The following METTL9 variants were observed in gnomAD, a reference collection of about 807,000 sequenced individuals.
METTL9 encodes protein-L-histidine N-pros-methyltransferase.
In METTL9, 10 loss-of-function variants were observed where a neutral mutation model predicts 36.0. The ratio of observed to expected loss-of-function variants is 0.28; its 90% CI spans 0.17 to 0.47. The LOEUF (loss-of-function observed/expected upper bound fraction) is 0.47. Ranked by LOEUF, METTL9 falls within the 20% of genes least tolerant of loss-of-function variation. The pLI is 0.99. For missense variants in METTL9, 246 were observed against 383.5 expected (o/e 0.64, Z 3.00); for synonymous variants, 175 against 149.7 (o/e 1.17, Z -1.23).
At chr16:21,600,616 G>A (rs1597735292) in intron 1 of METTL9, among the ~76,000 whole-genome samples, 1 of 152,274 alleles carries the variant, frequency 6.6e-6, no homozygotes, top group Non-Finnish European at 1.5e-5. Flanking sequence ...AACAGAACGG[G>A]ACGGGAGGGA....
intron 3 of METTL9, among the ~76,000 whole-genome samples, chr16:21,622,135 C>T (rs1342870849): frequency 7.0e-5 from 3 of 42,922 alleles, no homozygotes; most frequent in Non-Finnish European, 1.3e-4. Context: ...AGCCACCATG[C>T]CTGGCCTTTT....
chr16:21,649,293 C>G (rs1966509248), intron 4 of METTL9, among the ~76,000 whole-genome samples: 1 of 152,128 alleles, frequency 6.6e-6, no homozygotes, highest in African/African-American at 2.4e-5. Flanking sequence ...GCGCCTTGCT[C>G]TCTTCTCATC....
In METTL9 at chr16:21,635,914, A is replaced by G. The variant is rs186692281; in HGVS notation, c.751+10799A>G. On this transcript the variant is annotated intron_variant, in intron 4 of 4. Coordinates refer to ENST00000358154, the MANE Select transcript of METTL9 (RefSeq NM_016025.5). ...CCCAGACCACAAGGAGGACTGAGGAAGGCCGGATTTAGTGGCCCTTACTGA... is the reference window on the plus strand; with the variant it reads ...CCCAGACCACAAGGAGGACTGAGGAGGGCCGGATTTAGTGGCCCTTACTGA... Among the ~76,000 whole-genome samples the G allele has an allele frequency of 2.0e-5, 3 of 152,336 alleles. No individual in the cohort carries two copies. The East Asian group carries it at 5.8e-4, about 29-fold the overall frequency.
At chr16:21,635,001 C>T (rs945060112) in intron 4 of METTL9, among the ~76,000 whole-genome samples, 11 of 152,138 alleles carry the variant, frequency 7.2e-5, no homozygotes, top group African/African-American at 2.4e-4. Context: ...GAATTTATCC[C>T]TTTCTTCGGC....
chr16:21,652,640 G>A (rs1346544732), intron 4 of METTL9: 3 of 1,517,316 alleles, frequency 2.0e-6, no homozygotes, highest in Non-Finnish European at 2.7e-6. Flanking sequence ...TATTTGAAAG[G>A]AAAGTTGGCT....
intron 4 of METTL9, chr16:21,654,884 C>A (rs927680996): frequency 1.7e-5 from 4 of 238,134 alleles, no homozygotes; most frequent in African/African-American, 6.8e-5. Flanking sequence ...TTTTCCAAAC[C>A]CATTAACCAT....
At chr16:21,647,608 A>G in intron 4 of METTL9, 2 of 1,305,718 alleles carry the variant, frequency 1.5e-6, no homozygotes, top group South Asian at 3.0e-5. Context: ...CTTAATCCCA[A>G]TATAAATAAG....
chr16:21,610,653 TC>T (rs1965405751), intron 1 of METTL9, among the ~76,000 whole-genome samples: 1 of 152,166 alleles, frequency 6.6e-6, no homozygotes, highest in African/African-American at 2.4e-5. Flanking sequence ...ACTTGAGTTT[TC>T]CTCTTGGTGC....
chr16:21,621,750 A>T (rs989002698), intron 3 of METTL9, among the ~76,000 whole-genome samples: 2 of 152,124 alleles, frequency 1.3e-5, no homozygotes, highest in African/African-American at 4.8e-5. Flanking sequence ...TGTGGTTTTG[A>T]TTTTTACAGC....
At position 21,599,627 on chromosome 16, in the gene METTL9, C is replaced by G. The variant is rs1014147497; in HGVS notation, c.-107C>G. ...AAGGGGGCTGGATGGGCAAGGCGGC[C>G]GCGATGGCTCGAGCTCGGGCGGTGG... On this transcript the variant is annotated 5_prime_UTR_variant, in exon 1 of 5. Coordinates refer to ENST00000358154, the MANE Select transcript of METTL9 (RefSeq NM_016025.5). This position sits in a 1 kb window ranked among gnomAD's most constrained non-coding sequence, Gnocchi z 4.4. The G allele has an allele frequency of 9.0e-6, 12 of 1,334,708 alleles. No homozygotes were observed. Among genetic ancestry groups the G allele is most frequent in the Middle Eastern group, 2.8e-4 (1 of 3,550 alleles). The allele number at this position is 1,334,708 out of a possible 1,614,324, so 82.7% of individuals were successfully genotyped here.
rs147436505 is a variant in METTL9, at chr16:21,602,939, G to A, written c.165+3041G>A. Among the ~76,000 whole-genome samples, 121 of 152,132 alleles carry A rather than the reference G, an allele frequency of 8.0e-4. 1 individual carries two copies. Among genetic ancestry groups the A allele is most frequent in the African/African-American group, 2.8e-3 (115 of 41,490 alleles). On this transcript the variant is annotated intron_variant, in intron 1 of 4. Transcript: ENST00000358154. The stretch of plus-strand genomic sequence containing the variant: ...CTCCCAAAGTGCTGGGATTACAGGC[G>A]TGAGGTACTACACCCAGCCCACAAA...
At chr16:21,603,579 A>G (rs1965195665) in intron 1 of METTL9, among the ~76,000 whole-genome samples, 1 of 152,214 alleles carries the variant, frequency 6.6e-6, no homozygotes, top group African/African-American at 2.4e-5. Flanking sequence ...GACAACAACA[A>G]AAAACTTAGG....
intron 3 of METTL9, among the ~76,000 whole-genome samples, chr16:21,622,559 A>G (rs571715455): frequency 2.0e-5 from 3 of 152,356 alleles, no homozygotes; most frequent in South Asian, 4.1e-4. Context: ...TGTTTTAGAA[A>G]AAGGAAAATT....
intron 4 of METTL9, chr16:21,641,399 A>C (rs1055740): frequency 4.3e-6 from 2 of 468,556 alleles, no homozygotes; most frequent in Non-Finnish European, 7.7e-6. Context: ...TTACATTCTG[A>C]CATCCTTCTT....
At chr16:21,604,311 G>A (rs192390129) in intron 1 of METTL9, among the ~76,000 whole-genome samples, 105 of 152,244 alleles carry the variant, frequency 6.9e-4, no homozygotes, top group South Asian at 5.4e-3. Flanking sequence ...GGATATACCA[G>A]GAGTCTTTAT....
chr16:21,614,017 C>T (rs987424971), intron 2 of METTL9, among the ~76,000 whole-genome samples: 1 of 152,156 alleles, frequency 6.6e-6, no homozygotes, highest in Non-Finnish European at 1.5e-5. Flanking sequence ...TACTGACTGA[C>T]TGGATCCCCA....
chr16:21,599,454 G>A (rs559797912), upstream of METTL9: 17 of 1,150,070 alleles, frequency 1.5e-5, no homozygotes, highest in South Asian at 3.4e-5. This position sits in a 1 kb window ranked among gnomAD's most constrained non-coding sequence, Gnocchi z 4.4. Context: ...CGGAGGGAGG[G>A]CGCCGGGGGA....
chr16:21,612,330 C>G (rs954391258), intron 1 of METTL9: 1 of 209,886 alleles, frequency 4.8e-6, no homozygotes, highest in African/African-American at 2.3e-5. Flanking sequence ...GCTGGGAGTC[C>G]GAGTGCCTGA....
At chr16:21,608,751 A>G (rs987690278) in intron 1 of METTL9, among the ~76,000 whole-genome samples, 5 of 152,164 alleles carry the variant, frequency 3.3e-5, no homozygotes, top group Non-Finnish European at 1.5e-5. Context: ...ATTTAGCTCC[A>G]AATGTCAGTA....
Sources: gnomAD v4.1 joint callset for allele counts (sites outside exome capture counted in the v4.1 genomes callset) on GRCh38, gnomAD v4.1.1 for gene constraint, Gnocchi (gnomAD v3.1) non-coding constraint, MANE v1.5 for transcripts, NCBI Gene and HGNC (gene_info 2026-07-23, HGNC 2026-07-21) for gene names.